ATP9A: variants seen among roughly 807,000 people sequenced by gnomAD.
The protein encoded by ATP9A is ATPase phospholipid transporting 9A.
In ATP9A, 52 loss-of-function variants were observed where a neutral mutation model predicts 144.1. The observed-to-expected ratio is 0.36, with a 90% CI of 0.29 to 0.45. ATP9A has a LOEUF of 0.45. Ranked by LOEUF, ATP9A falls within the 20% of genes least tolerant of loss-of-function variation. The pLI, the probability that ATP9A is intolerant of heterozygous loss-of-function variation, is 1.00. For synonymous variants in ATP9A, 582 were observed against 557.4 expected, an observed-to-expected ratio of 1.04 and a Z score of -0.62; for missense variants, 947 against 1,392.7, an observed-to-expected ratio of 0.68 and a Z score of 5.09.
intron 4 of ATP9A, among the ~76,000 whole-genome samples, chr20:51,706,866 C>T (rs1029942853): frequency 6.6e-6 from 1 of 152,312 alleles, no homozygotes; most frequent in Admixed American, 6.5e-5. Flanking sequence ...AGCAGTTTTT[C>T]AAACAGCTCA....
chr20:51,756,452 G>A (rs1488184237), intron 1 of ATP9A, among the ~76,000 whole-genome samples: 1 of 151,902 alleles, frequency 6.6e-6, no homozygotes, highest in East Asian at 1.9e-4. Context: ...CACCACACCT[G>A]GCTAATTTTT....
At chr20:51,708,070 G>C (rs2077622007) in intron 4 of ATP9A, among the ~76,000 whole-genome samples, 2 of 152,048 alleles carry the variant, frequency 1.3e-5, no homozygotes, top group Admixed American at 1.3e-4. Context: ...TTTCCATGTA[G>C]ATAGCTAATT....
rs2077179516 is a variant in ATP9A, at chr20:51,610,155, G to GA, written c.2581dup (p.Ser861PhefsTer48). ...GACGGAGGCAAAGTAAAACACGGAG[G>GA]AAAAGACAGCCTGTGCCAAGGAGAG... On this transcript the variant is annotated frameshift_variant, in exon 24 of 28. Coordinates refer to ENST00000338821, the MANE Select transcript of ATP9A (RefSeq NM_006045.3). LOFTEE classifies it high-confidence loss of function. The GA allele has an allele frequency of 6.2e-7, 1 of 1,609,492 alleles. No homozygotes were observed. The highest frequency in any genetic ancestry group is 8.5e-7 in the Non-Finnish European group (1 of 1,175,912).
chr20:51,603,698 G>A (rs1258464666), intron 27 of ATP9A, among the ~76,000 whole-genome samples: 2 of 152,162 alleles, frequency 1.3e-5, no homozygotes, highest in African/African-American at 4.8e-5. Context: ...ACTGAGGTCA[G>A]AGAAATCTGC....
intron 1 of ATP9A, among the ~76,000 whole-genome samples, chr20:51,737,496 C>T (rs1439964072): frequency 6.6e-6 from 1 of 152,040 alleles, no homozygotes; most frequent in Non-Finnish European, 1.5e-5. Context: ...GTGTGGGGCC[C>T]AATATATATA....
chr20:51,666,387 T>C (rs1435874668), intron 13 of ATP9A, among the ~76,000 whole-genome samples: 1 of 152,098 alleles, frequency 6.6e-6, no homozygotes, highest in African/African-American at 2.4e-5. Flanking sequence ...GGCTGTACTT[T>C]ACGAAACACT....
intron 1 of ATP9A, among the ~76,000 whole-genome samples, chr20:51,766,448 T>C (rs1031512449): frequency 3.3e-5 from 5 of 152,224 alleles, no homozygotes; most frequent in Admixed American, 1.3e-4. Context: ...CACTGGATTT[T>C]AGACTCCACT....
At chr20:51,728,998 T>C (rs2077727883) in intron 2 of ATP9A, among the ~76,000 whole-genome samples, 1 of 152,178 alleles carries the variant, frequency 6.6e-6, no homozygotes, top group South Asian at 2.1e-4. Flanking sequence ...GTCCACAGAT[T>C]TGTGTAAGTT....
intron 1 of ATP9A, among the ~76,000 whole-genome samples, chr20:51,742,568 G>A (rs1173159718): frequency 6.6e-6 from 1 of 151,878 alleles, no homozygotes; most frequent in South Asian, 2.1e-4. Flanking sequence ...AGGCTGGAGT[G>A]CAGTGGCGCG....
At chr20:51,685,017 TAAAAA>T (rs11325921) in intron 9 of ATP9A, among the ~76,000 whole-genome samples, 55 of 139,926 alleles carry the variant, frequency 3.9e-4, no homozygotes, top group East Asian at 6.7e-4. Context: ...TCTCCAAAAA[TAAAAA>T]AAAAAAAAAA....
At position 51,689,224 on chromosome 20, in the gene ATP9A, T is replaced by C. The variant is rs748870931; in HGVS notation, c.724-85A>G. The C allele has an allele frequency of 5.6e-5, 76 of 1,349,746 alleles. 1 individual carries two copies. The highest frequency in any genetic ancestry group is 3.7e-4 in the Middle Eastern group (2 of 5,466). 83.6% of individuals were successfully genotyped at this position (1,349,746 alleles called of 1,614,324 possible). ...TGCTTCTAGCATGGTCCGCTGGAGATAGAAAGACAGGCTCCCCCCGATGAA... is the reference window on the plus strand; with the variant it reads ...TGCTTCTAGCATGGTCCGCTGGAGACAGAAAGACAGGCTCCCCCCGATGAA... On this transcript the variant is annotated intron_variant, in intron 8 of 27. Transcript: ENST00000338821.
intron 9 of ATP9A, among the ~76,000 whole-genome samples, chr20:51,683,430 GATT>G (rs141282258): frequency 0.22 from 33,308 of 150,578 alleles, 4,431 homozygotes; most frequent in East Asian, 0.48. Context: ...ACGCCCAGCT[GATT>G]ATTATTATTA....
Position 51,670,114 on chromosome 20 carries a change from AAC to A in ATP9A, c.1181-7_1181-6del. 6.2e-7 allele frequency: 1 copy of A among 1,607,670 alleles called. No homozygotes were observed. Among genetic ancestry groups the A allele is most frequent in the Non-Finnish European group, 8.5e-7 (1 of 1,174,100 alleles). ...TCTCGTTCTGGGTAAGAGTGCCTAAAACACAAGACAAATGAGTGGCCGGCCTG... is the reference window on the plus strand; with the variant it reads ...TCTCGTTCTGGGTAAGAGTGCCTAAAACAAGACAAATGAGTGGCCGGCCTG... On this transcript the variant is annotated splice_polypyrimidine_tract_variant and splice_region_variant and intron_variant, in intron 12 of 27. Coordinates refer to ENST00000338821, the MANE Select transcript of ATP9A (RefSeq NM_006045.3).
intron 27 of ATP9A, 34 bp from the exon 28 acceptor site, chr20:51,601,381 C>G: frequency 1.3e-6 from 2 of 1,576,462 alleles, no homozygotes; most frequent in Non-Finnish European, 1.7e-6. Flanking sequence ...AGTGAGCAGG[C>G]AGGAATATTC....
At chr20:51,744,174 G>A (rs910911669) in intron 1 of ATP9A, among the ~76,000 whole-genome samples, 4 of 151,752 alleles carry the variant, frequency 2.6e-5, no homozygotes, top group African/African-American at 9.7e-5. Flanking sequence ...TTTTTTGTTT[G>A]TTTGTTTTTG....
At chr20:51,663,468 T>C (rs1259461178) in intron 13 of ATP9A, among the ~76,000 whole-genome samples, 1 of 152,126 alleles carries the variant, frequency 6.6e-6, no homozygotes, top group Non-Finnish European at 1.5e-5. Flanking sequence ...AGGCTCCATG[T>C]CCCAGAGAAA....
chr20:51,601,435 A>T, intron 27 of ATP9A, 88 bp from the exon 28 acceptor site: 1 of 1,347,612 alleles, frequency 7.4e-7, no homozygotes, highest in East Asian at 2.5e-5. Context: ...CAACTATCAA[A>T]GGGAAAGTCA....
At chr20:51,743,703 C>G (rs1296359740) in intron 1 of ATP9A, among the ~76,000 whole-genome samples, 2 of 131,228 alleles carry the variant, frequency 1.5e-5, no homozygotes, top group Non-Finnish European at 3.2e-5. Flanking sequence ...GTGCCCAGCC[C>G]AAATCCTTTA....
chr20:51,619,979 AAAG>A (rs1012359678), intron 19 of ATP9A, among the ~76,000 whole-genome samples: 5 of 152,162 alleles, frequency 3.3e-5, no homozygotes, highest in Admixed American at 6.5e-5. Context: ...GAGGTGCCAA[AAAG>A]AAGAAGCTCT....
Sources: gnomAD v4.1 joint callset for allele counts (sites outside exome capture counted in the v4.1 genomes callset) on GRCh38, gnomAD v4.1.1 for gene constraint, MANE v1.5 for transcripts, NCBI Gene and HGNC (gene_info 2026-07-23, HGNC 2026-07-21) for gene names.